Variants in PGM5 observed in about 807,000 individuals in gnomAD.
PGM5 encodes phosphoglucomutase-like protein 5.
PGM5 carries 23 observed loss-of-function variants against 59.2 expected under a neutral mutation model. The ratio of observed to expected loss-of-function variants is 0.39; its 90% CI spans 0.28 to 0.55. PGM5 has a LOEUF of 0.55. Among genes scored for constraint, PGM5 ranks in the 20% least tolerant of loss-of-function variants. PGM5 has a pLI of 0.66. For synonymous variants in PGM5, 214 were observed against 286.0 expected (o/e 0.75, Z 2.54); for missense variants, 574 against 748.3 (o/e 0.77, Z 2.72).
At chr9:68,371,589 C>G (rs1383554952) in intron 1 of PGM5, 3 of 151,934 alleles carry the variant, frequency 2.0e-5, no homozygotes, top group South Asian at 4.2e-4. Flanking sequence ...TTTTAACAAC[C>G]CTCTTCTTTC....
intron 10 of PGM5, among the ~76,000 whole-genome samples, chr9:68,504,649 G>T (rs1172630073): frequency 6.6e-6 from 1 of 152,052 alleles, no homozygotes; most frequent in East Asian, 1.9e-4. Context: ...GCCCTCACAT[G>T]CAGGTACTTC....
At chr9:68,467,884 T>G (rs1823959038) in intron 7 of PGM5, among the ~76,000 whole-genome samples, 1 of 152,198 alleles carries the variant, frequency 6.6e-6, no homozygotes, top group African/African-American at 2.4e-5. Context: ...AATTATTAAT[T>G]TAATTATCAT....
At chr9:68,361,235 C>T (rs1834573180) in intron 1 of PGM5, among the ~76,000 whole-genome samples, 2 of 152,210 alleles carry the variant, frequency 1.3e-5, no homozygotes, top group Admixed American at 6.5e-5. Context: ...AAGGGACACA[C>T]ATTGCATTTG....
intron 10 of PGM5, among the ~76,000 whole-genome samples, chr9:68,522,035 A>G (rs1356712801): frequency 6.6e-6 from 1 of 152,164 alleles, no homozygotes; most frequent in Non-Finnish European, 1.5e-5. Context: ...CAGGTGGATC[A>G]CCTGAGGTCT....
intron 10 of PGM5, among the ~76,000 whole-genome samples, chr9:68,521,767 G>A (rs977438289): frequency 1.3e-5 from 2 of 152,162 alleles, no homozygotes; most frequent in Non-Finnish European, 2.9e-5. Flanking sequence ...GGAAACCATG[G>A]CCAGGGAAAC....
intron 1 of PGM5, among the ~76,000 whole-genome samples, chr9:68,361,903 G>A (rs1448380933): frequency 6.6e-5 from 10 of 151,962 alleles, no homozygotes; most frequent in Middle Eastern, 3.4e-3. Flanking sequence ...TGAGATGATC[G>A]CAAGGTTAGG....
chr9:68,430,606 G>A (rs17054803), intron 6 of PGM5, among the ~76,000 whole-genome samples: 8,396 of 152,136 alleles, frequency 0.055, 338 homozygotes, highest in African/African-American at 0.11. Context: ...CAACTTTTCC[G>A]GAATCAGGTT....
At position 68,529,893 on chromosome 9, in the gene PGM5, G is replaced by A. The variant is rs1825054375; in HGVS notation, c.*237G>A. ...GTCTGTTAAAGCTGCACTATAATTT[G>A]GTATCTACATTTTATCACACAAAGG... On this transcript the variant is annotated 3_prime_UTR_variant, in exon 11 of 11. Transcript: ENST00000396396. 2.6e-6 allele frequency: 1 copy of A among 383,998 alleles called. No homozygotes were observed. The highest frequency in any genetic ancestry group is 4.7e-6 in the Non-Finnish European group (1 of 214,494). The allele number at this position is 383,998 out of a possible 1,614,324, so 23.8% of individuals were successfully genotyped here.
chr9:68,392,507 G>A, intron 6 of PGM5, 34 bp downstream of exon 6: 5 of 1,606,518 alleles, frequency 3.1e-6, no homozygotes, highest in Non-Finnish European at 4.2e-6. Context: ...AAACTTTATG[G>A]TAGACCTTTG....
intron 6 of PGM5, chr9:68,397,056 A>G (rs1554680051): frequency 6.5e-6 from 1 of 152,690 alleles, no homozygotes; most frequent in African/African-American, 2.4e-5. Flanking sequence ...CAGTGTCACT[A>G]AAACAAGGAT....
At chr9:68,460,960 G>T (rs977366464) in intron 6 of PGM5, among the ~76,000 whole-genome samples, 1 of 152,170 alleles carries the variant, frequency 6.6e-6, no homozygotes, top group Non-Finnish European at 1.5e-5. Flanking sequence ...CGGAAGCTCC[G>T]CAGCAGGAAG....
chr9:68,415,370 TCCAGCAGGGCAGAGG>T (rs1335180701), intron 6 of PGM5, among the ~76,000 whole-genome samples: 1 of 148,842 alleles, frequency 6.7e-6, no homozygotes, highest in African/African-American at 2.6e-5. Flanking sequence ...GCTGGCAGGA[TCCAGCAGGGCAGAGG>T]CCAGCAGGGG....
chr9:68,507,913 T>A (rs1033969652), intron 10 of PGM5, among the ~76,000 whole-genome samples: 5 of 152,344 alleles, frequency 3.3e-5, no homozygotes, highest in African/African-American at 1.2e-4. Flanking sequence ...GGTCATCTGA[T>A]GGCATGTGAA....
intron 10 of PGM5, among the ~76,000 whole-genome samples, chr9:68,508,331 TAC>T (rs1453535795): frequency 6.6e-6 from 1 of 152,234 alleles, no homozygotes. Flanking sequence ...AAGCTTGGAT[TAC>T]AGTTTAGAAA....
At chr9:68,495,404 A>T (rs1554688086) in intron 9 of PGM5, among the ~76,000 whole-genome samples, 1 of 152,186 alleles carries the variant, frequency 6.6e-6, no homozygotes, top group African/African-American at 2.4e-5. Flanking sequence ...CCATATCGAA[A>T]AGGGAAATGT....
At position 68,408,794 on chromosome 9, in the gene PGM5, A is replaced by G. The variant is rs79368056; in HGVS notation, c.1043+16321A>G. 4.6e-5 allele frequency among the ~76,000 whole-genome samples: 7 copies of G among 152,168 alleles called. No homozygotes were observed. The South Asian group carries it at 8.3e-4, about 18-fold the overall frequency. On this transcript the variant is annotated intron_variant, in intron 6 of 10. Coordinates refer to ENST00000396396, the MANE Select transcript of PGM5 (RefSeq NM_021965.4). ...ATCCAGTTTCAGCTTTCTACATATG[A>G]CTAGCCAGTTTTCCCAGCACCATTT...
intron 8 of PGM5, among the ~76,000 whole-genome samples, chr9:68,483,350 A>G (rs1313343798): frequency 2.6e-5 from 4 of 152,244 alleles, no homozygotes; most frequent in African/African-American, 9.6e-5. Context: ...TCTAATGGTG[A>G]CAGTGGGTTT....
intron 6 of PGM5, among the ~76,000 whole-genome samples, chr9:68,399,899 G>T (rs1415641810): frequency 2.6e-5 from 4 of 151,942 alleles, no homozygotes; most frequent in African/African-American, 9.7e-5. Context: ...TTTAGTCTCT[G>T]CATGAGTCAC....
Position 68,484,016 on chromosome 9 carries a change from G to A in PGM5, c.1447G>A (p.Asp483Asn). 1 of 1,613,820 alleles carries A rather than the reference G, an allele frequency of 6.2e-7. No individual in the cohort carries two copies. Among genetic ancestry groups the A allele is most frequent in the Non-Finnish European group, 8.5e-7 (1 of 1,180,006 alleles). Residue 483 changes from aspartate (D) to asparagine (N), a missense_variant, in exon 9 of 11, where the codon GAC becomes AAC. Asp to Asn is a conservative substitution (Grantham distance 23). Coordinates refer to ENST00000396396, the MANE Select transcript of PGM5 (RefSeq NM_021965.4). ...VAKTDSFEYV[D>N]PVDGTVTKKQ... Reference sequence around the variant, plus strand: ...GAAGACGGATAGTTTTGAATACGTGGACCCTGTGGATGGCACTGTGACCAA... The same window carrying A: ...GAAGACGGATAGTTTTGAATACGTGAACCCTGTGGATGGCACTGTGACCAA...
Sources: allele counts gnomAD v4.1 joint callset (sites outside exome capture counted in the v4.1 genomes callset), GRCh38; gene constraint gnomAD v4.1.1; transcripts MANE v1.5; gene names NCBI Gene and HGNC (gene_info 2026-07-23, HGNC 2026-07-21).